The following CATSPERG variants were observed in gnomAD, a reference collection of about 807,000 sequenced individuals.
The protein encoded by CATSPERG is catsper channel auxiliary subunit gamma.
In CATSPERG, 115 loss-of-function variants were observed where a neutral mutation model predicts 145.0. That is an observed-to-expected ratio of 0.79 (90% CI 0.68 to 0.93). The LOEUF (loss-of-function observed/expected upper bound fraction) is 0.93. Among genes scored for constraint, CATSPERG ranks in the 40% least tolerant of loss-of-function variants. The probability of loss-of-function intolerance (pLI) is 0.00; values close to 1 mark genes in which losing one functional copy is unlikely to be tolerated. For missense variants in CATSPERG, 1,296 were observed against 1,490.1 expected (o/e 0.87, Z 2.14); for synonymous variants, 588 against 589.0 (o/e 1.00, Z 0.02).
In CATSPERG at chr19:38,352,411, TATGAGAG is replaced by T. The variant is rs1159502883; in HGVS notation, c.978_984del (p.Tyr326Ter). ...TTTTACAGGCACCTATACCACACTC[TATGAGAG>T]AAACCGCGGCAGTGGTGAGTGTGCT... On this transcript the variant is annotated frameshift_variant, in exon 8 of 29. Transcript: ENST00000409235. LOFTEE classifies it high-confidence loss of function. The T allele has an allele frequency of 6.4e-7, 1 of 1,551,432 alleles. No individual in the cohort carries two copies. Among genetic ancestry groups the T allele is most frequent in the Admixed American group, 2.0e-5 (1 of 50,906 alleles).
Position 38,364,892 on chromosome 19 carries a change from T to C in CATSPERG, c.2477T>C (p.Ile826Thr), listed in dbSNP as rs1347412495. 1 of 1,613,264 alleles carries C rather than the reference T, an allele frequency of 6.2e-7. No homozygotes were observed. The highest frequency in any genetic ancestry group is 8.5e-7 in the Non-Finnish European group (1 of 1,179,176). ...GCCTCTCCCCTCCTTCAACCCCAGA[T>C]TACGCTCAAGGATAAAAAGCTTTGC... ...LINRNSVLFS[I>T]TLKDKKLCYD... The change falls in exon 21 of 29, where the codon ATT becomes ACT. Residue 826 changes from isoleucine to threonine, a missense_variant and splice_region_variant. By Grantham distance (89) the Ile-to-Thr change is moderately conservative. Transcript: ENST00000409235.
chr19:38,339,487 TCTC>T (rs1969900978), intron 3 of CATSPERG, among the ~76,000 whole-genome samples: 1 of 152,092 alleles, frequency 6.6e-6, no homozygotes, highest in Non-Finnish European at 1.5e-5. Context: ...TGCCTCAGCT[TCTC>T]CTAACACTCT....
rs765527935 is a variant in CATSPERG, at chr19:38,352,322, C to T, written c.887C>T (p.Thr296Ile). 3.9e-6 allele frequency: 6 copies of T among 1,550,364 alleles called. No individual in the cohort carries two copies. Among genetic ancestry groups the T allele is most frequent in the South Asian group, 3.6e-5 (3 of 83,968 alleles). ...FYCPHSGFTA[T>I]IYDTIATEST... Reference sequence around the variant, plus strand: ...TGCCCCCATTCTGGCTTCACAGCCACCATCTATGACACTATTGCCACCGAG... The same window carrying T: ...TGCCCCCATTCTGGCTTCACAGCCATCATCTATGACACTATTGCCACCGAG... The change falls in exon 8 of 29, where the codon ACC becomes ATC. Residue 296 changes from threonine to isoleucine, a missense_variant. Coordinates refer to ENST00000409235, the MANE Select transcript of CATSPERG (RefSeq NM_021185.5).
intron 6 of CATSPERG, among the ~76,000 whole-genome samples, chr19:38,344,901 ATTTTTT>A (rs1158525255): frequency 5.0e-5 from 4 of 80,004 alleles, no homozygotes; most frequent in East Asian, 1.0e-3. Context: ...ATATATATAT[ATTTTTT>A]TTTTTTTTTT....
rs749498461 is a variant in CATSPERG, at chr19:38,360,507, G to A, written c.1627G>A (p.Gly543Ser). ...ETEEIWYLLE[G>S]SYRVYQLFPS... ...CCCGCAGATCTGGTACCTCCTGGAGGGCAGCTACCGGGTCTACCAGCTGTT... is the reference window on the plus strand; with the variant it reads ...CCCGCAGATCTGGTACCTCCTGGAGAGCAGCTACCGGGTCTACCAGCTGTT... The change falls in exon 15 of 29, where the codon GGC becomes AGC. Residue 543 changes from glycine (G) to serine (S), a missense_variant. By Grantham distance (56) the Gly-to-Ser change is moderately conservative. Coordinates refer to ENST00000409235, the MANE Select transcript of CATSPERG (RefSeq NM_021185.5). The A allele has an allele frequency of 1.9e-6, 3 of 1,614,080 alleles. No homozygotes were observed. The highest frequency in any genetic ancestry group is 2.5e-6 in the Non-Finnish European group (3 of 1,180,002).
At chr19:38,349,648 T>TGTTTG (rs1555730444) in intron 7 of CATSPERG, 1 of 149,768 alleles carries the variant, frequency 6.7e-6, no homozygotes, top group African/African-American at 2.4e-5. Context: ...CATTGTTTTT[T>TGTTTG]TTTGTTTGTT....
At chr19:38,368,316 C>T (rs944872118) in intron 26 of CATSPERG, among the ~76,000 whole-genome samples, 179 bp downstream of exon 26, 1 of 152,210 alleles carries the variant, frequency 6.6e-6, no homozygotes, top group African/African-American at 2.4e-5. Flanking sequence ...CTGCTCCCTC[C>T]GACTCTTTTC....
At chr19:38,339,939 C>A (rs1432100788) in intron 3 of CATSPERG, among the ~76,000 whole-genome samples, 8 of 151,126 alleles carry the variant, frequency 5.3e-5, no homozygotes, top group African/African-American at 1.9e-4. Context: ...ACTGCAACCT[C>A]CCCCTCCCAG....
intron 17 of CATSPERG, 84 bp downstream of exon 17, chr19:38,361,945 G>A: frequency 5.5e-6 from 6 of 1,100,566 alleles, no homozygotes; most frequent in South Asian, 2.8e-5. Context: ...CCTGTGGAGC[G>A]GAGCGCAGCG....
rs768265508 is a variant in CATSPERG at position 38,364,967 on chromosome 19, T to A, written c.2552T>A (p.Val851Asp). 1.2e-6 allele frequency: 2 copies of A among 1,613,882 alleles called. No individual in the cohort carries two copies. The highest frequency in any genetic ancestry group is 1.7e-5 in the Admixed American group (1 of 60,024). ...GHHLMETSMT[V>D]NVVGSSGLCF... The stretch of plus-strand genomic sequence containing the variant: ...CACCTTATGGAGACTTCCATGACGG[T>A]CAATGTGAGGTCCAAGCCTGGAGGG... The change falls in exon 21 of 29, where the codon GTC becomes GAC. Residue 851 changes from valine to aspartate, a missense_variant. By Grantham distance (152) the Val-to-Asp change is radical. Transcript: ENST00000409235.
At chr19:38,367,080 C>T in intron 22 of CATSPERG, 76 bp from the exon 23 acceptor site, 1 of 1,394,104 alleles carries the variant, frequency 7.2e-7, no homozygotes, top group Non-Finnish European at 9.6e-7. Context: ...GGGGGACTGT[C>T]CTTCCTGCCC....
chr19:38,357,988 T>C, intron 11 of CATSPERG: 2 of 349,792 alleles, frequency 5.7e-6, no homozygotes, highest in East Asian at 5.3e-5. Flanking sequence ...GGTGGTGGTG[T>C]GCGCCTATAA....
intron 3 of CATSPERG, among the ~76,000 whole-genome samples, chr19:38,341,763 G>A (rs924952398): frequency 9.9e-5 from 15 of 152,050 alleles, no homozygotes; most frequent in Middle Eastern, 3.4e-3. Context: ...TTAGCCGGGC[G>A]TGGTGGCGCA....
intron 3 of CATSPERG, among the ~76,000 whole-genome samples, chr19:38,338,677 C>T (rs1396294090): frequency 6.6e-6 from 1 of 152,156 alleles, no homozygotes; most frequent in African/African-American, 2.4e-5. Flanking sequence ...TGCGCCACCA[C>T]ACCAGCACGG....
rs1213899743 is a variant in CATSPERG, at chr19:38,344,360, G to A, written c.661G>A (p.Gly221Arg). The change falls in exon 6 of 29, where the codon GGA (glycine) becomes AGA (arginine). Residue 221 changes from glycine to arginine, a missense_variant. Physicochemically the swap from Gly to Arg is moderately radical, Grantham distance 125 (BLOSUM62 -2). Transcript: ENST00000409235. ...DRDNNIQFTV[G>R]EELFNLMPQY... is the part of the protein sequence containing the mutation. Reference sequence around the variant, plus strand: ...GGACAATAACATCCAATTCACTGTGGGAGAGGAGGTGAGGGAATATGGCAG... The same window carrying A: ...GGACAATAACATCCAATTCACTGTGAGAGAGGAGGTGAGGGAATATGGCAG... 1 of 1,551,576 alleles carries A rather than the reference G, an allele frequency of 6.4e-7. No homozygotes were observed. Among genetic ancestry groups the A allele is most frequent in the Admixed American group, 2.0e-5 (1 of 50,982 alleles).
chr19:38,368,356 G>A (rs1049052019), intron 26 of CATSPERG, among the ~76,000 whole-genome samples: 9 of 152,172 alleles, frequency 5.9e-5, no homozygotes, highest in Non-Finnish European at 2.9e-5. Flanking sequence ...CTTCAGCCAG[G>A]AGGACTTTTC....
At position 38,360,544 on chromosome 19, in the gene CATSPERG, G is replaced by A. The variant is rs1223254782; in HGVS notation, c.1664G>A (p.Gly555Asp). The part of the protein sequence containing the change: ...YRVYQLFPSK[G>D]WQVHISLKLM... ...GTCTACCAGCTGTTCCCTTCCAAGG[G>A]CTGGCAGGTGCACATCAGCTTAAAG... The change falls in exon 15 of 29, where the codon GGC becomes GAC. Residue 555 changes from glycine (G) to aspartate (D), a missense_variant. Transcript: ENST00000409235. 6.2e-7 allele frequency: 1 copy of A among 1,614,156 alleles called. No individual in the cohort carries two copies. The highest frequency in any genetic ancestry group is 8.5e-7 in the Non-Finnish European group (1 of 1,180,028).
intron 9 of CATSPERG, among the ~76,000 whole-genome samples, chr19:38,356,073 G>A (rs748359078): frequency 5.3e-5 from 8 of 151,902 alleles, no homozygotes; most frequent in South Asian, 2.1e-4. Context: ...GTTACAAACA[G>A]TTTATTATTA....
rs938115559 is a variant in CATSPERG, at chr19:38,370,925, A to G, written c.*133A>G. 2.0e-6 allele frequency: 2 copies of G among 1,002,252 alleles called. No homozygotes were observed. Among genetic ancestry groups the G allele is most frequent in the African/African-American group, 3.2e-5 (2 of 62,140 alleles). The allele number at this position is 1,002,252 out of a possible 1,614,324, so 62.1% of individuals were successfully genotyped here. ...ATGTTTACTTCTCGTTCAGACTCAAATAAAGCCTTTTTTCAGGACCAGCAG... is the reference window on the plus strand; with the variant it reads ...ATGTTTACTTCTCGTTCAGACTCAAGTAAAGCCTTTTTTCAGGACCAGCAG... On this transcript the variant is annotated 3_prime_UTR_variant, in exon 29 of 29. Coordinates refer to ENST00000409235, the MANE Select transcript of CATSPERG (RefSeq NM_021185.5).
Sources: gnomAD v4.1 joint callset for allele counts (sites outside exome capture counted in the v4.1 genomes callset) on GRCh38, gnomAD v4.1.1 for gene constraint, MANE v1.5 for transcripts, NCBI Gene and HGNC (gene_info 2026-07-23, HGNC 2026-07-21) for gene names.